Variants in HOMER2 observed in about 807,000 individuals in gnomAD.
The protein encoded by HOMER2 is homer protein homolog 2.
HOMER2 carries 27 observed loss-of-function variants against 47.0 expected under a neutral mutation model. That is an observed-to-expected ratio of 0.57 (90% CI 0.42 to 0.79). The LOEUF (loss-of-function observed/expected upper bound fraction) is 0.79, where lower values mean the gene tolerates loss of function less well. Ranked by LOEUF, HOMER2 falls within the 30% of genes least tolerant of loss-of-function variation. HOMER2 has a pLI of 0.00. For missense variants in HOMER2, 443 were observed against 435.0 expected (o/e 1.02, Z -0.16); for synonymous variants, 161 against 163.8 (o/e 0.98, Z 0.13).
At chr15:82,862,418 AG>A (rs2151630430) in intron 4 of HOMER2, among the ~76,000 whole-genome samples, 1 of 152,340 alleles carries the variant, frequency 6.6e-6, no homozygotes, top group Admixed American at 6.5e-5. Context: ...ACTCGAGCCC[AG>A]GGGCAGCACA....
At chr15:82,931,924 G>A (rs2054021771) in intron 1 of HOMER2, among the ~76,000 whole-genome samples, 1 of 152,214 alleles carries the variant, frequency 6.6e-6, no homozygotes. Flanking sequence ...TTAACCAGCA[G>A]TTCTGTCTCA....
intron 1 of HOMER2, among the ~76,000 whole-genome samples, chr15:82,962,077 A>T (rs1440381956): frequency 6.6e-6 from 1 of 151,904 alleles, no homozygotes; most frequent in Non-Finnish European, 1.5e-5. Context: ...ACAAACTTTT[A>T]AAAAATGTCC....
intron 1 of HOMER2, among the ~76,000 whole-genome samples, chr15:82,967,804 A>C (rs1185486715): frequency 2.0e-5 from 3 of 151,746 alleles, no homozygotes; most frequent in Non-Finnish European, 4.4e-5. Flanking sequence ...TTGCACCCGG[A>C]AAGCGGAGGT....
intron 1 of HOMER2, among the ~76,000 whole-genome samples, chr15:82,918,821 T>G (rs915225214): frequency 2.0e-5 from 3 of 152,192 alleles, no homozygotes; most frequent in South Asian, 2.1e-4. Flanking sequence ...CCTAGTAGTG[T>G]CCTCCAATGG....
chr15:82,859,314 T>TAAAC (rs1206832962), intron 4 of HOMER2, 179 bp from the exon 5 acceptor site: 26 of 820,846 alleles, frequency 3.2e-5, no homozygotes, highest in Non-Finnish European at 4.2e-5. Flanking sequence ...GTTTTTTTTT[T>TAAAC]AAACAAACAA....
At chr15:82,942,361 T>A (rs764767078) in intron 1 of HOMER2, among the ~76,000 whole-genome samples, 4 of 152,090 alleles carry the variant, frequency 2.6e-5, no homozygotes, top group Non-Finnish European at 5.9e-5. Context: ...TGAAGGGTGA[T>A]CAGAAAGGAA....
intron 1 of HOMER2, among the ~76,000 whole-genome samples, chr15:82,935,625 T>C (rs893715252): frequency 6.6e-6 from 1 of 152,140 alleles, no homozygotes; most frequent in Non-Finnish European, 1.5e-5. Flanking sequence ...ACCCCCATCC[T>C]AACTTGCTCC....
In HOMER2 at chr15:82,849,127, G is replaced by T. The variant is rs373097657; in HGVS notation, c.*588C>A. ...AACACTGTTGCAACCGTACAAACTG[G>T]GGGGGCGGGGGGCAGGGGGCAGTAG... On this transcript the variant is annotated 3_prime_UTR_variant, in exon 9 of 9. Transcript: ENST00000450735. The T allele has an allele frequency of 6.8e-6, 1 of 146,682 alleles. No homozygotes were observed. The highest frequency in any genetic ancestry group is 1.5e-5 in the Non-Finnish European group (1 of 64,694). 9.1% of individuals were successfully genotyped at this position (146,682 alleles called of 1,614,324 possible).
chr15:82,923,944 G>GT, intron 1 of HOMER2, among the ~76,000 whole-genome samples: 1 of 152,280 alleles, frequency 6.6e-6, no homozygotes, highest in East Asian at 1.9e-4. Context: ...CTTACGTGCC[G>GT]TGTCTCAGCC....
chr15:82,928,939 C>CAAAAAAAAAAAAAAAAAAA (rs1596362215), intron 1 of HOMER2, among the ~76,000 whole-genome samples: 10 of 18,664 alleles, frequency 5.4e-4, no homozygotes, highest in African/African-American at 9.0e-4. Flanking sequence ...AAAATAAAAA[C>CAAAAAAAAAAAAAAAAAAA]TAAAAAAAAA....
At chr15:82,903,516 C>A (rs942692473) in intron 1 of HOMER2, among the ~76,000 whole-genome samples, 3 of 152,116 alleles carry the variant, frequency 2.0e-5, no homozygotes, top group African/African-American at 7.2e-5. Context: ...ACTCGGGAGG[C>A]TGAGGCAGGA....
intron 1 of HOMER2, among the ~76,000 whole-genome samples, chr15:82,897,065 CTT>C (rs68038013): frequency 1.3e-4 from 13 of 101,846 alleles, no homozygotes; most frequent in South Asian, 3.3e-4. Context: ...GATGTCATTT[CTT>C]TTTTTTTTTT....
intron 1 of HOMER2, among the ~76,000 whole-genome samples, chr15:82,971,373 G>A (rs1424682205): frequency 1.3e-5 from 2 of 152,056 alleles, no homozygotes; most frequent in Non-Finnish European, 2.9e-5. Flanking sequence ...TCAGGTGAGA[G>A]AGAGAGAGAT....
At position 82,878,364 on chromosome 15, in the gene HOMER2, G is replaced by C. The variant is rs77896883; in HGVS notation, c.163-2960C>G. ...CCCATTTTTTTCAGATGGCGAAACT[G>C]AGGCTTAACAAGGTCAAGGGACCTG... On this transcript the variant is annotated intron_variant, in intron 2 of 8. Transcript: ENST00000450735. Among the ~76,000 whole-genome samples, 858 of 152,242 alleles carry C rather than the reference G, an allele frequency of 5.6e-3. 25 individuals are homozygous for C. Among genetic ancestry groups the C allele is most frequent in the Admixed American group, 0.051 (774 of 15,280 alleles).
At chr15:82,852,390 T>C in intron 6 of HOMER2, 138 bp from the exon 7 acceptor site, 1 of 653,170 alleles carries the variant, frequency 1.5e-6, no homozygotes, top group Non-Finnish European at 2.6e-6. Context: ...TCTTTGTGGC[T>C]ATGAACAAAC....
chr15:82,914,178 TAC>T (rs58323062), intron 1 of HOMER2, among the ~76,000 whole-genome samples: 16,647 of 116,426 alleles, frequency 0.14, 1,027 homozygotes, highest in African/African-American at 0.18. Context: ...CTACTAAAAA[TAC>T]ACACACACAC....
At chr15:82,893,043 A>T (rs1202907050) in intron 1 of HOMER2, among the ~76,000 whole-genome samples, 1 of 152,190 alleles carries the variant, frequency 6.6e-6, no homozygotes, top group Non-Finnish European at 1.5e-5. Context: ...CATTCCACTT[A>T]GCTGTTATCC....
intron 3 of HOMER2, among the ~76,000 whole-genome samples, chr15:82,865,174 C>G (rs1426067400): frequency 3.3e-5 from 5 of 152,232 alleles, no homozygotes. Flanking sequence ...GTTGCAGGCC[C>G]TGTGAGTAAA....
intron 6 of HOMER2, chr15:82,852,861 T>TA (rs1249416789): frequency 6.6e-6 from 1 of 152,532 alleles, no homozygotes; most frequent in East Asian, 1.9e-4. Context: ...GGCAAATCCC[T>TA]ACACCGCATC....
Sources: allele counts gnomAD v4.1 joint callset (sites outside exome capture counted in the v4.1 genomes callset), GRCh38; gene constraint gnomAD v4.1.1; transcripts MANE v1.5; gene names NCBI Gene and HGNC (gene_info 2026-07-23, HGNC 2026-07-21).